Variants in GAK observed in about 807,000 individuals in gnomAD.
GAK encodes the protein cyclin G associated kinase.
In GAK, 79 loss-of-function variants were observed where a neutral mutation model predicts 143.9. That is an observed-to-expected ratio of 0.55 (90% CI 0.46 to 0.66). The LOEUF is 0.66. GAK is among the 30% of genes least tolerant of loss of function. The pLI is 0.00. For missense variants in GAK, 1,693 were observed against 1,779.7 expected (o/e 0.95, Z 0.88); for synonymous variants, 881 against 765.5 (o/e 1.15, Z -2.49).
Position 898,858 on chromosome 4 carries a change from G to A in GAK, c.526-700C>T, listed in dbSNP as rs564696585. Among the ~76,000 whole-genome samples, 116 of 141,596 alleles carry A rather than the reference G, an allele frequency of 8.2e-4. 1 individual carries two copies. Among genetic ancestry groups the A allele is most frequent in the South Asian group, 4.7e-3 (18 of 3,810 alleles). The allele number at this position is 141,596 out of a possible 152,430, so 92.9% of individuals were successfully genotyped here. A position where few individuals can be genotyped will look rare whatever the true frequency, so the allele number is the denominator to read the frequency against. On this transcript the variant is annotated intron_variant, in intron 5 of 27. Coordinates refer to ENST00000314167, the MANE Select transcript of GAK (RefSeq NM_005255.4). The stretch of plus-strand genomic sequence containing the variant: ...AGCCTGGGTGACAGGGCAAGACTCC[G>A]ACTCAAAAAAAAAAAAGTATACAGA...
intron 24 of GAK, among the ~76,000 whole-genome samples, chr4:859,007 T>C (rs1011061773): frequency 1.3e-5 from 2 of 151,858 alleles, no homozygotes; most frequent in African/African-American, 2.4e-5. Flanking sequence ...CAGATGATCA[T>C]CCCCCCGCCG....
chr4:850,054 A>C lies in GAK; in HGVS notation c.3672T>G (p.Ile1224Met). The change falls in exon 27 of 28, where the codon ATT becomes ATG. Residue 1224 changes from isoleucine to methionine, a missense_variant. Physicochemically the swap from Ile to Met is conservative, Grantham distance 10. This residue lies in a region of GAK where 822 missense variants were observed against 788.7 expected (regional missense o/e 1.04). Transcript: ENST00000314167. The part of the protein sequence containing the change: ...DPLKLKLLDW[I>M]EGKERNIRAL... ...CCCGGATGTTCCGCTCCTTGCCCTC[A>C]ATCCAGTCCAGGAGCTGCGGGAGAC... The C allele has an allele frequency of 6.3e-7, 1 of 1,585,028 alleles. No individual in the cohort carries two copies. Among genetic ancestry groups the C allele is most frequent in the Non-Finnish European group, 8.6e-7 (1 of 1,160,482 alleles).
At chr4:893,813 G>A in intron 8 of GAK, 61 bp downstream of exon 8, 1 of 1,501,552 alleles carries the variant, frequency 6.7e-7, no homozygotes, top group Non-Finnish European at 8.9e-7. Context: ...GGGGTCTCCA[G>A]AGCCACGCGG....
chr4:866,818 G>A, intron 21 of GAK, 138 bp downstream of exon 21: 4 of 725,934 alleles, frequency 5.5e-6, no homozygotes, highest in Non-Finnish European at 9.1e-6. Flanking sequence ...TGACCCCGAG[G>A]CTGCTCCTGG....
intron 24 of GAK, among the ~76,000 whole-genome samples, chr4:854,115 TTTC>T (rs2152689072): frequency 6.6e-6 from 1 of 150,566 alleles, no homozygotes; most frequent in Admixed American, 6.6e-5. Flanking sequence ...GCCCATTTTC[TTTC>T]TTTTTTTTTT....
At chr4:921,757 G>A (rs1403291919) in intron 1 of GAK, among the ~76,000 whole-genome samples, 1 of 151,770 alleles carries the variant, frequency 6.6e-6, no homozygotes. Flanking sequence ...GAAAGGACAA[G>A]CTGCAGACTA....
At chr4:893,729 C>T (rs561526979) in intron 8 of GAK, 145 bp downstream of exon 8, 46 of 1,042,856 alleles carry the variant, frequency 4.4e-5, no homozygotes, top group Non-Finnish European at 5.5e-5. Context: ...CTGGAAACCC[C>T]CCCCCCAGGG....
Position 884,071 on chromosome 4 carries a change from G to C in GAK, c.1221C>G (p.Asp407Glu), listed in dbSNP as rs372234424. The change falls in exon 12 of 28, where the codon GAC (aspartate) becomes GAG (glutamate). Residue 407 changes from aspartate (D) to glutamate (E), a missense_variant. Physicochemically the swap from Asp to Glu is conservative, Grantham distance 45 (BLOSUM62 2). This residue lies in a region of GAK where 871 missense variants were observed against 991.0 expected (regional missense o/e 0.88). Coordinates refer to ENST00000314167, the MANE Select transcript of GAK (RefSeq NM_005255.4). ...TGGATGTGATGTAAGATATGTCCAG[G>C]TCACCCTTTGCATAACTGGAATTAA... ...IQSVANYAKG[D>E]LDISYITSRI... 6 of 1,613,612 alleles carry C rather than the reference G, an allele frequency of 3.7e-6. No homozygotes were observed. In the African/African-American group the frequency reaches 4.0e-5, roughly 11 times the overall value.
chr4:898,228 G>A (rs537869430), intron 5 of GAK, 70 bp from the exon 6 acceptor site: 60 of 1,578,634 alleles, frequency 3.8e-5, no homozygotes, highest in African/African-American at 1.3e-4. Flanking sequence ...GAAAACGAAC[G>A]GGTGTGAGAC....
chr4:871,217 C>T (rs1049291420), intron 18 of GAK, among the ~76,000 whole-genome samples: 2 of 152,218 alleles, frequency 1.3e-5, no homozygotes, highest in South Asian at 2.1e-4. Context: ...CGGGCGGGGC[C>T]GCCATGTTTC....
intron 7 of GAK, chr4:894,658 G>A (rs1718410893): frequency 6.6e-6 from 1 of 152,288 alleles, no homozygotes; most frequent in Non-Finnish European, 1.5e-5. Flanking sequence ...AGGTGACAGT[G>A]TTAAACGGAC....
chr4:890,265 C>A (rs1717377054), intron 10 of GAK, among the ~76,000 whole-genome samples: 1 of 152,188 alleles, frequency 6.6e-6, no homozygotes, highest in African/African-American at 2.4e-5. Flanking sequence ...CTGGGCCCTG[C>A]CCTGGAGCCT....
intron 23 of GAK, among the ~76,000 whole-genome samples, chr4:862,036 T>C (rs972249627): frequency 6.6e-6 from 1 of 152,196 alleles, no homozygotes; most frequent in Non-Finnish European, 1.5e-5. Context: ...CAGTAAGTCA[T>C]CTGCTAAGAT....
chr4:851,561 G>A, intron 25 of GAK, 189 bp downstream of exon 25: 1 of 622,874 alleles, frequency 1.6e-6, no homozygotes, highest in Non-Finnish European at 2.8e-6. Context: ...TGGAACAAGA[G>A]GGACCCAGAG....
At chr4:890,645 G>A (rs771938374) in intron 9 of GAK, 23 bp from the exon 10 acceptor site, 1 of 1,594,850 alleles carries the variant, frequency 6.3e-7, no homozygotes, top group Admixed American at 1.7e-5. Flanking sequence ...AAATGCAGAG[G>A]TCAGTTCTCT....
At chr4:862,483 AC>A (rs1750472011) in intron 23 of GAK, among the ~76,000 whole-genome samples, 1 of 152,040 alleles carries the variant, frequency 6.6e-6, no homozygotes, top group Non-Finnish European at 1.5e-5. Flanking sequence ...ACACAGTGAA[AC>A]CCCGTCTCTA....
At chr4:914,524 G>A (rs1174668296) in intron 1 of GAK, among the ~76,000 whole-genome samples, 4 of 75,020 alleles carry the variant, frequency 5.3e-5, no homozygotes, top group African/African-American at 5.6e-5. Context: ...CACAGCCCCA[G>A]CGTGCACGGC....
chr4:873,540 T>C (rs998860475), intron 18 of GAK, among the ~76,000 whole-genome samples: 4 of 152,126 alleles, frequency 2.6e-5, no homozygotes, highest in African/African-American at 4.8e-5. Context: ...CCTGTTCCAC[T>C]GCCTGGGGAG....
rs187249639 is a variant in GAK at position 882,026 on chromosome 4, C to T, written c.1542G>A (p.Ala514=). The T allele has an allele frequency of 8.0e-5, 128 of 1,605,778 alleles. No homozygotes were observed. The East Asian group carries it at 1.9e-3, about 23-fold the overall frequency. Residue 514 remains alanine, a synonymous_variant, in exon 15 of 28, where the codon GCG becomes GCA. Coordinates refer to ENST00000314167, the MANE Select transcript of GAK (RefSeq NM_005255.4). ...GGAAGGAGCAGACGGCCACAGCAGA[C>T]GCGGCTCTCCCGTCCTAGGACAGAC... ...CVVHCMDGRA[A]SAVAVCSFLC...
Sources: gnomAD v4.1 joint callset for allele counts (sites outside exome capture counted in the v4.1 genomes callset) on GRCh38, gnomAD v4.1.1 for gene constraint, gnomAD v4.1.1 regional missense constraint, MANE v1.5 for transcripts, NCBI Gene and HGNC (gene_info 2026-07-23, HGNC 2026-07-21) for gene names.